Variants in S100PBP observed in about 807,000 individuals in gnomAD.
S100PBP encodes S100P-binding protein.
Under a neutral mutation model 39.9 loss-of-function variants are expected in S100PBP, and 15 were observed. The observed-to-expected ratio is 0.38, with a 90% CI of 0.25 to 0.58. S100PBP has a LOEUF of 0.58. Among genes scored for constraint, S100PBP ranks in the 20% least tolerant of loss-of-function variants. The pLI, the probability that S100PBP is intolerant of heterozygous loss-of-function variation, is 0.70. For synonymous variants in S100PBP, 178 were observed against 180.3 expected (o/e 0.99, Z 0.10); for missense variants, 504 against 487.3 (o/e 1.03, Z -0.32).
intron 4 of S100PBP, 63 bp downstream of exon 4, chr1:32,828,144 C>T (rs1184206342): frequency 4.9e-6 from 6 of 1,219,446 alleles, no homozygotes; most frequent in South Asian, 1.3e-5. Flanking sequence ...CTTTCTTCCC[C>T]TCTCCAGTTT....
intron 5 of S100PBP, among the ~76,000 whole-genome samples, chr1:32,838,943 C>T (rs1283462196): frequency 2.0e-5 from 3 of 151,396 alleles, no homozygotes; most frequent in Non-Finnish European, 4.4e-5. Flanking sequence ...ATTTCTTGGT[C>T]TTGCACATCT....
rs1341840777 is a variant in S100PBP at position 32,857,718 on chromosome 1, G to C, written c.*1680G>C. The C allele has an allele frequency of 6.6e-6, 1 of 152,196 alleles. No individual in the cohort carries two copies. The highest frequency in any genetic ancestry group is 1.9e-4 in the East Asian group (1 of 5,194). The allele number at this position is 152,196 out of a possible 1,614,324, so 9.4% of individuals were successfully genotyped here. A position where few individuals can be genotyped will look rare whatever the true frequency, so the allele number is the denominator to read the frequency against. ...GTGAAGGCTGTTCATAGTTGCTATA[G>C]CCTGTGTTTAGTTTTGTGATTTCAT... On this transcript the variant is annotated 3_prime_UTR_variant, in exon 7 of 7. Transcript: ENST00000373475.
At chr1:32,833,408 C>G (rs992023588) in intron 5 of S100PBP, among the ~76,000 whole-genome samples, 3 of 150,414 alleles carry the variant, frequency 2.0e-5, no homozygotes, top group Non-Finnish European at 4.4e-5. Context: ...GCTGCCCAGA[C>G]TGGAGTGCAG....
At chr1:32,819,413 C>G (rs1638938911) in intron 1 of S100PBP, among the ~76,000 whole-genome samples, 1 of 151,968 alleles carries the variant, frequency 6.6e-6, no homozygotes, top group Admixed American at 6.6e-5. Context: ...ACTGTAAATA[C>G]AAAAATTAGC....
chr1:32,849,265 C>T (rs1401374818), intron 5 of S100PBP, among the ~76,000 whole-genome samples: 1 of 152,014 alleles, frequency 6.6e-6, no homozygotes, highest in Admixed American at 6.6e-5. Flanking sequence ...CCACCTCAGC[C>T]CCCTGGAGTC....
intron 5 of S100PBP, among the ~76,000 whole-genome samples, chr1:32,844,271 C>T (rs12037282): frequency 6.6e-6 from 1 of 151,918 alleles, no homozygotes; most frequent in Non-Finnish European, 1.5e-5. Context: ...AGGCTGGTCT[C>T]GAATTTCTGG....
At chr1:32,849,329 G>C (rs1217624106) in intron 5 of S100PBP, among the ~76,000 whole-genome samples, 2 of 152,042 alleles carry the variant, frequency 1.3e-5, no homozygotes. Flanking sequence ...TAGAGACGGG[G>C]TTTCACCATG....
intron 6 of S100PBP, among the ~76,000 whole-genome samples, chr1:32,855,400 A>C (rs1640780396): frequency 6.6e-6 from 1 of 152,212 alleles, no homozygotes; most frequent in Non-Finnish European, 1.5e-5. Flanking sequence ...ACTTTTAAGA[A>C]ATTTTACTGT....
chr1:32,832,579 G>T (rs2148656991), intron 5 of S100PBP, among the ~76,000 whole-genome samples: 2 of 152,010 alleles, frequency 1.3e-5, no homozygotes, highest in Middle Eastern at 6.8e-3. Context: ...ACTTCCCATT[G>T]CCCAGTATTC....
intron 3 of S100PBP, among the ~76,000 whole-genome samples, chr1:32,827,133 G>A (rs145770346): frequency 6.6e-6 from 1 of 152,252 alleles, no homozygotes; most frequent in African/African-American, 2.4e-5. Context: ...CTAGCACTGT[G>A]ACCCTGGGCT....
At position 32,853,138 on chromosome 1, in the gene S100PBP, T is replaced by C. The variant is rs747522730; in HGVS notation, c.1084T>C (p.Trp362Arg). The C allele has an allele frequency of 1.9e-6, 3 of 1,612,888 alleles. No homozygotes were observed. The highest frequency in any genetic ancestry group is 2.7e-5 in the African/African-American group (2 of 74,868). ...AGTTCATCATATGCAGCACTCAAAA[T>C]GGCAGCATCCTTCGGACCTCACCAC... is the stretch of plus-strand genomic sequence containing the variant. ...DQVHHMQHSK[W>R]QHPSDLTTRN... The change falls in exon 6 of 7, where the codon TGG becomes CGG. Residue 362 changes from tryptophan (W) to arginine (R), a missense_variant. By Grantham distance (101) the Trp-to-Arg change is moderately radical (BLOSUM62 -3). Transcript: ENST00000373475.
At chr1:32,846,462 G>C (rs967480188) in intron 5 of S100PBP, among the ~76,000 whole-genome samples, 1 of 150,852 alleles carries the variant, frequency 6.6e-6, no homozygotes, top group African/African-American at 2.4e-5. Context: ...ATCTGCCATC[G>C]TGTTACTTGT....
chr1:32,821,542 G>A (rs540007816), intron 1 of S100PBP, among the ~76,000 whole-genome samples: 165 of 151,918 alleles, frequency 1.1e-3, no homozygotes, highest in Non-Finnish European at 1.8e-3. Flanking sequence ...AGATGGTCTC[G>A]AACTCCTGAC....
chr1:32,853,238 A>G, intron 6 of S100PBP, 72 bp downstream of exon 6: 1 of 1,079,556 alleles, frequency 9.3e-7, no homozygotes, highest in Non-Finnish European at 1.4e-6. Context: ...CTGTAATCCC[A>G]GCACTTTGGG....
intron 5 of S100PBP, chr1:32,843,212 TAAAG>T (rs1184987375): frequency 1.3e-5 from 2 of 152,206 alleles, no homozygotes; most frequent in Non-Finnish European, 2.9e-5. Context: ...TGTCAGCAAA[TAAAG>T]AAATTTTTAC....
chr1:32,816,916 TA>T, upstream of S100PBP: 1 of 586,688 alleles, frequency 1.7e-6, no homozygotes, highest in Non-Finnish European at 3.0e-6. Context: ...TGGCACTTAA[TA>T]GGGGGGTGGA....
At chr1:32,834,130 A>G (rs540505732) in intron 5 of S100PBP, 149 of 195,124 alleles carry the variant, frequency 7.6e-4, no homozygotes, top group Non-Finnish European at 8.9e-4. Flanking sequence ...AAATTGTATT[A>G]ATTTTTAGTG....
intron 5 of S100PBP, chr1:32,843,056 T>C (rs539569172): frequency 6.6e-6 from 1 of 152,210 alleles, no homozygotes; most frequent in Non-Finnish European, 1.5e-5. Context: ...GTTTTTAAAA[T>C]TTCAGTATCT....
At chr1:32,845,186 G>A (rs1048938293) in intron 5 of S100PBP, among the ~76,000 whole-genome samples, 4 of 151,942 alleles carry the variant, frequency 2.6e-5, no homozygotes, top group Non-Finnish European at 5.9e-5. Context: ...CACCTCACCC[G>A]GCTAATTTTT....
Sources: gnomAD v4.1 joint callset for allele counts (sites outside exome capture counted in the v4.1 genomes callset) on GRCh38, gnomAD v4.1.1 for gene constraint, MANE v1.5 for transcripts, NCBI Gene and HGNC (gene_info 2026-07-23, HGNC 2026-07-21) for gene names.